Variants in STARD3NL observed in about 807,000 individuals in gnomAD.
The protein encoded by STARD3NL is STARD3 N-terminal like, also known as STARD3 N-terminal-like protein.
STARD3NL carries 17 observed loss-of-function variants against 30.9 expected under a neutral mutation model. The observed-to-expected ratio is 0.55, with a 90% CI of 0.38 to 0.82. STARD3NL has a LOEUF of 0.82. Ranked by LOEUF, STARD3NL falls within the 40% of genes least tolerant of loss-of-function variation. The pLI is 0.00. For synonymous variants in STARD3NL, 112 were observed against 100.5 expected (o/e 1.11, Z -0.69); for missense variants, 234 against 277.6 (o/e 0.84, Z 1.12).
At chr7:38,191,065 T>C (rs1358287019) in intron 1 of STARD3NL, among the ~76,000 whole-genome samples, 1 of 152,182 alleles carries the variant, frequency 6.6e-6, no homozygotes, top group Non-Finnish European at 1.5e-5. Context: ...CCAATGAAAT[T>C]ATTAAATAAT....
intron 1 of STARD3NL, among the ~76,000 whole-genome samples, chr7:38,204,113 C>T (rs538489957): frequency 2.6e-5 from 4 of 152,294 alleles, no homozygotes; most frequent in Admixed American, 6.5e-5. Context: ...AGGAATTGAA[C>T]TCAGCTCTGC....
intron 1 of STARD3NL, among the ~76,000 whole-genome samples, chr7:38,204,251 C>T (rs1785331234): frequency 6.6e-6 from 1 of 152,182 alleles, no homozygotes; most frequent in Non-Finnish European, 1.5e-5. Flanking sequence ...CACTCCTCAG[C>T]AAATGTAAAA....
chr7:38,212,711 T>C (rs1785878009), intron 2 of STARD3NL, among the ~76,000 whole-genome samples: 1 of 152,058 alleles, frequency 6.6e-6, no homozygotes. Context: ...GCGGTGGGAA[T>C]AGGAAGGAAA....
chr7:38,200,655 G>A (rs1785133362), intron 1 of STARD3NL, among the ~76,000 whole-genome samples: 1 of 152,204 alleles, frequency 6.6e-6, no homozygotes, highest in African/African-American at 2.4e-5. Flanking sequence ...TTTTTCACCA[G>A]TGCTTCCCAA....
chr7:38,216,243 C>A (rs1786104449), intron 4 of STARD3NL: 1 of 152,196 alleles, frequency 6.6e-6, no homozygotes, highest in African/African-American at 2.4e-5. Flanking sequence ...ACAGTATCTT[C>A]AATATCTGCT....
chr7:38,229,045 A>G (rs1226917923), intron 8 of STARD3NL, among the ~76,000 whole-genome samples, 174 bp downstream of exon 8: 1 of 152,228 alleles, frequency 6.6e-6, no homozygotes, highest in African/African-American at 2.4e-5. Context: ...CATTTTTTAT[A>G]CAGGTATACA....
chr7:38,180,085 G>A (rs1784186882), intron 1 of STARD3NL, among the ~76,000 whole-genome samples: 1 of 152,218 alleles, frequency 6.6e-6, no homozygotes, highest in South Asian at 2.1e-4. Flanking sequence ...GCAGGCAAGG[G>A]AAAGATAATT....
intron 1 of STARD3NL, among the ~76,000 whole-genome samples, chr7:38,194,278 T>G (rs1269811256): frequency 6.6e-6 from 1 of 152,188 alleles, no homozygotes; most frequent in Non-Finnish European, 1.5e-5. Context: ...TTTAAAGGAC[T>G]GATCATTGGA....
At chr7:38,218,758 G>A (rs143233477) in intron 6 of STARD3NL, among the ~76,000 whole-genome samples, 260 of 152,316 alleles carry the variant, frequency 1.7e-3, no homozygotes, top group African/African-American at 5.7e-3. Flanking sequence ...GTGGCCTTGC[G>A]TGTGTTAGTG....
intron 1 of STARD3NL, among the ~76,000 whole-genome samples, chr7:38,193,199 T>C (rs78241834): frequency 0.075 from 11,460 of 152,278 alleles, 581 homozygotes; most frequent in Non-Finnish European, 0.11. Flanking sequence ...GAATTGTAAG[T>C]TGTGTTCGTG....
chr7:38,220,646 C>T (rs1786402778), intron 7 of STARD3NL, among the ~76,000 whole-genome samples: 1 of 152,182 alleles, frequency 6.6e-6, no homozygotes, highest in Non-Finnish European at 1.5e-5. Flanking sequence ...TGGGTATGTA[C>T]CCAAAGGAAA....
intron 2 of STARD3NL, among the ~76,000 whole-genome samples, chr7:38,213,363 G>A (rs78092191): frequency 0.089 from 13,542 of 152,090 alleles, 778 homozygotes; most frequent in East Asian, 0.17. Flanking sequence ...AGGGATTTTC[G>A]GGCACAGGAT....
intron 8 of STARD3NL, 120 bp downstream of exon 8, chr7:38,228,991 G>A (rs1786947014): frequency 3.3e-6 from 2 of 607,904 alleles, no homozygotes; most frequent in South Asian, 3.1e-5. Context: ...TATCTTACTT[G>A]CATGAATTTA....
intron 7 of STARD3NL, among the ~76,000 whole-genome samples, chr7:38,227,858 T>C (rs549169484): frequency 1.4e-3 from 214 of 152,322 alleles, no homozygotes; most frequent in African/African-American, 4.8e-3. Context: ...GTGCCCATGC[T>C]GCCTATATTA....
chr7:38,188,517 G>A (rs573067347), intron 1 of STARD3NL, among the ~76,000 whole-genome samples: 1 of 152,342 alleles, frequency 6.6e-6, no homozygotes, highest in East Asian at 1.9e-4. Flanking sequence ...TGTGAGGATA[G>A]ATGTTTTGTT....
intron 1 of STARD3NL, among the ~76,000 whole-genome samples, chr7:38,188,441 AGTTTAAAATGACCAT>A (rs1784551379): frequency 6.6e-6 from 1 of 152,148 alleles, no homozygotes; most frequent in Admixed American, 6.5e-5. Context: ...TCGACCCCTC[AGTTTAAAATGACCAT>A]GTTTCCAGCC....
intron 1 of STARD3NL, chr7:38,198,091 T>G (rs1178365929): frequency 6.6e-6 from 1 of 152,280 alleles, no homozygotes; most frequent in East Asian, 1.9e-4. Flanking sequence ...TCGCACACCA[T>G]GTGAACACTT....
intron 1 of STARD3NL, among the ~76,000 whole-genome samples, chr7:38,202,861 A>C (rs888217074): frequency 1.3e-5 from 2 of 151,414 alleles, no homozygotes; most frequent in African/African-American, 4.9e-5. Flanking sequence ...GCTGAGAATG[A>C]TGGTTTCCAG....
At chr7:38,186,300 A>G (rs1309770635) in intron 1 of STARD3NL, among the ~76,000 whole-genome samples, 1 of 152,202 alleles carries the variant, frequency 6.6e-6, no homozygotes, top group Non-Finnish European at 1.5e-5. Flanking sequence ...TTTATAACTG[A>G]TGTATTGTGT....
Sources: gnomAD v4.1 joint callset for allele counts (sites outside exome capture counted in the v4.1 genomes callset) on GRCh38, gnomAD v4.1.1 for gene constraint, MANE v1.5 for transcripts, NCBI Gene and HGNC (gene_info 2026-07-23, HGNC 2026-07-21) for gene names.